Variants in DNAH11 observed in about 807,000 individuals in gnomAD.
DNAH11 encodes axonemal beta dynein heavy chain 11.
DNAH11 carries 442 observed loss-of-function variants against 526.0 expected under a neutral mutation model. The observed-to-expected ratio is 0.84, with a 90% CI of 0.78 to 0.91. The LOEUF (loss-of-function observed/expected upper bound fraction) is 0.91, where lower values mean the gene tolerates loss of function less well. Ranked by LOEUF, DNAH11 falls within the 40% of genes least tolerant of loss-of-function variation. DNAH11 has a pLI of 0.00. For synonymous variants in DNAH11, 2,461 were observed against 1,935.9 expected, an observed-to-expected ratio of 1.27 and a Z score of -7.12; for missense variants, 6,989 against 5,448.7, an observed-to-expected ratio of 1.28 and a Z score of -8.90.
rs750374590 is a variant in DNAH11, at chr7:21,842,670, A to G, written c.10818A>G (p.Thr3606=). 2 of 1,613,936 alleles carry G rather than the reference A, an allele frequency of 1.2e-6. No homozygotes were observed. Among genetic ancestry groups the G allele is most frequent in the Non-Finnish European group, 1.7e-6 (2 of 1,179,834 alleles). ...CTCAGACAACTCTCCTCAATTTCAC[A>G]GTCACAGAAGATGGTCTAGAAGCCC... ...LQAQTTLLNF[T]VTEDGLEAQL... The change falls in exon 66 of 82, where the codon ACA becomes ACG. Residue 3606 remains threonine (T), a synonymous_variant. Transcript: ENST00000409508.
At chr7:21,582,806 G>T (rs1269193049) in intron 9 of DNAH11, among the ~76,000 whole-genome samples, 1 of 152,180 alleles carries the variant, frequency 6.6e-6, no homozygotes, top group African/African-American at 2.4e-5. Context: ...AGAAATCATG[G>T]ATATAATTCA....
At chr7:21,651,734 G>T (rs1003544974) in intron 28 of DNAH11, among the ~76,000 whole-genome samples, 1 of 152,202 alleles carries the variant, frequency 6.6e-6, no homozygotes, top group Admixed American at 6.5e-5. Flanking sequence ...GTTAAATAAC[G>T]CCAGTGCCCT....
intron 37 of DNAH11, among the ~76,000 whole-genome samples, chr7:21,703,060 C>T (rs940880564): frequency 1.3e-5 from 2 of 152,210 alleles, no homozygotes; most frequent in Non-Finnish European, 2.9e-5. Context: ...TTTTGACAGT[C>T]ATAATCAAAT....
chr7:21,697,259 T>A (rs1160822608), intron 35 of DNAH11, among the ~76,000 whole-genome samples: 1 of 152,110 alleles, frequency 6.6e-6, no homozygotes, highest in African/African-American at 2.4e-5. Flanking sequence ...AGCAATTGTC[T>A]TTGGAGAGGG....
chr7:21,878,729 T>C (rs1330718733), intron 74 of DNAH11, among the ~76,000 whole-genome samples: 1 of 152,176 alleles, frequency 6.6e-6, no homozygotes, highest in Non-Finnish European at 1.5e-5. Context: ...AAGCACTGTC[T>C]AAAGAAACTG....
intron 48 of DNAH11, 87 bp from the exon 49 acceptor site, chr7:21,741,840 A>G: frequency 3.5e-6 from 5 of 1,448,212 alleles, no homozygotes; most frequent in Non-Finnish European, 4.7e-6. Flanking sequence ...GGGCCTGGAT[A>G]CAGGGAGGAG....
rs928804324 is a variant in DNAH11, at chr7:21,622,846, A to C, written c.4500+2768A>C. 2.6e-5 allele frequency among the ~76,000 whole-genome samples: 4 copies of C among 152,310 alleles called. No homozygotes were observed. The East Asian group carries it at 5.8e-4, about 22-fold the overall frequency. Reference sequence around the variant, plus strand: ...GATGGATTAAAGACTTAAACGTTAGATCTAAAACCATAAAAACCCTAGAAG... The same window carrying C: ...GATGGATTAAAGACTTAAACGTTAGCTCTAAAACCATAAAAACCCTAGAAG... On this transcript the variant is annotated intron_variant, in intron 25 of 81. Coordinates refer to ENST00000409508, the MANE Select transcript of DNAH11 (RefSeq NM_001277115.2).
rs541817018 is a variant in DNAH11, at chr7:21,675,211, T to C, written c.5329-6335T>C. Among the ~76,000 whole-genome samples the C allele has an allele frequency of 4.4e-4, 67 of 152,352 alleles. 1 individual carries two copies. Among genetic ancestry groups the C allele is most frequent in the Non-Finnish European group, 8.8e-5 (6 of 68,034 alleles). On this transcript the variant is annotated intron_variant, in intron 30 of 81. Coordinates refer to ENST00000409508, the MANE Select transcript of DNAH11 (RefSeq NM_001277115.2). ...TGTCCTAACTGAGCTGGGCAAGCCC[T>C]GCATGCTTGGGCACTTGCCTTCCTC...
At chr7:21,594,525 C>T (rs997332413) in intron 14 of DNAH11, among the ~76,000 whole-genome samples, 1 of 152,032 alleles carries the variant, frequency 6.6e-6, no homozygotes, top group Non-Finnish European at 1.5e-5. Context: ...CAAATTGGAG[C>T]AGGGCAAGGG....
chr7:21,839,740 A>G (rs1279469879), intron 65 of DNAH11, among the ~76,000 whole-genome samples: 3 of 152,226 alleles, frequency 2.0e-5, no homozygotes, highest in Non-Finnish European at 4.4e-5. Flanking sequence ...TAAATTCACC[A>G]TTCAACTAAT....
intron 30 of DNAH11, among the ~76,000 whole-genome samples, chr7:21,675,331 G>C (rs980330880): frequency 6.6e-6 from 1 of 152,132 alleles, no homozygotes; most frequent in African/African-American, 2.4e-5. Context: ...GATCCATTCA[G>C]GGCCTTTACA....
chr7:21,713,256 C>T (rs543338899), intron 42 of DNAH11, among the ~76,000 whole-genome samples: 1 of 152,264 alleles, frequency 6.6e-6, no homozygotes, highest in South Asian at 2.1e-4. Context: ...TCTGGACACA[C>T]ACTCCATCCT....
intron 38 of DNAH11, 22 bp from the exon 39 acceptor site, chr7:21,705,438 C>G: frequency 6.2e-7 from 1 of 1,612,828 alleles, no homozygotes; most frequent in East Asian, 2.2e-5. Context: ...AGGAAACCAG[C>G]AACCAGCTGT....
intron 76 of DNAH11, among the ~76,000 whole-genome samples, chr7:21,886,333 T>C (rs1253062593): frequency 2.0e-5 from 3 of 152,156 alleles, no homozygotes; most frequent in Non-Finnish European, 4.4e-5. Context: ...GAAAACATAG[T>C]GTATTTTAGT....
intron 8 of DNAH11, among the ~76,000 whole-genome samples, chr7:21,578,427 G>C (rs1784181916): frequency 6.6e-6 from 1 of 152,198 alleles, no homozygotes; most frequent in Admixed American, 6.5e-5. Flanking sequence ...GGCTTCCAAG[G>C]CCTTAGGCAG....
chr7:21,769,096 T>C (rs940367004), intron 55 of DNAH11, among the ~76,000 whole-genome samples: 11 of 152,206 alleles, frequency 7.2e-5, no homozygotes, highest in African/African-American at 2.7e-4. Context: ...AAAATAATCC[T>C]CTTTCTAAGG....
At chr7:21,610,878 G>T (rs1785494232) in intron 20 of DNAH11, among the ~76,000 whole-genome samples, 1 of 152,228 alleles carries the variant, frequency 6.6e-6, no homozygotes, top group Non-Finnish European at 1.5e-5. Context: ...AAGTTAGAAT[G>T]CCGTCCAACT....
intron 30 of DNAH11, among the ~76,000 whole-genome samples, chr7:21,674,028 T>TTGTGTGTGTGTGTGTG (rs59263134): frequency 1.2e-4 from 17 of 137,364 alleles, no homozygotes; most frequent in African/African-American, 4.5e-4. Flanking sequence ...CTGTTTTGTT[T>TTGTGTGTGTGTGTGTG]TGTGTGTGTG....
chr7:21,750,076 TAAA>T (rs1786345246), intron 53 of DNAH11, 143 bp from the exon 54 acceptor site: 2 of 1,175,026 alleles, frequency 1.7e-6, no homozygotes, highest in Non-Finnish European at 2.3e-6. Context: ...GTCTCGTAAA[TAAA>T]AAAGAAACAT....
Sources: gnomAD v4.1 joint callset for allele counts (sites outside exome capture counted in the v4.1 genomes callset) on GRCh38, gnomAD v4.1.1 for gene constraint, MANE v1.5 for transcripts, NCBI Gene and HGNC (gene_info 2026-07-23, HGNC 2026-07-21) for gene names.